Variants in LRBA observed in about 807,000 individuals in gnomAD.
The protein encoded by LRBA is lipopolysaccharide-responsive and beige-like anchor protein.
Under a neutral mutation model 330.0 loss-of-function variants are expected in LRBA, and 176 were observed. That is an observed-to-expected ratio of 0.53 (90% CI 0.47 to 0.60). The LOEUF (loss-of-function observed/expected upper bound fraction) is 0.60, where lower values mean the gene tolerates loss of function less well. LRBA is among the 20% of genes least tolerant of loss of function. The pLI, the probability that LRBA is intolerant of heterozygous loss-of-function variation, is 0.00. For missense variants in LRBA, 3,259 were observed against 3,444.8 expected, an observed-to-expected ratio of 0.95 and a Z score of 1.35; for synonymous variants, 1,230 against 1,193.0, an observed-to-expected ratio of 1.03 and a Z score of -0.64.
At chr4:150,352,830 A>C (rs1737360064) in intron 47 of LRBA, among the ~76,000 whole-genome samples, 1 of 152,236 alleles carries the variant, frequency 6.6e-6, no homozygotes. Flanking sequence ...CACTCTACAC[A>C]AAAGCCCTAA....
intron 37 of LRBA, among the ~76,000 whole-genome samples, chr4:150,616,367 T>C (rs1775769797): frequency 1.3e-5 from 2 of 152,172 alleles, no homozygotes; most frequent in African/African-American, 2.4e-5. Flanking sequence ...GCAAGGAATT[T>C]TGAAGAGAGG....
intron 36 of LRBA, among the ~76,000 whole-genome samples, chr4:150,690,304 C>A (rs1042314882): frequency 2.6e-5 from 4 of 151,896 alleles, no homozygotes; most frequent in African/African-American, 9.7e-5. Context: ...GAGATCGAGA[C>A]CACCCTAGAA....
intron 40 of LRBA, among the ~76,000 whole-genome samples, chr4:150,504,023 A>G (rs1428236428): frequency 6.6e-6 from 1 of 152,178 alleles, no homozygotes; most frequent in Non-Finnish European, 1.5e-5. Context: ...GACACGAAGC[A>G]AGAAGAGAAG....
At chr4:150,635,194 T>A (rs758819736) in intron 37 of LRBA, among the ~76,000 whole-genome samples, 12 of 152,194 alleles carry the variant, frequency 7.9e-5, no homozygotes, top group Non-Finnish European at 1.5e-4. Context: ...GCTCCTAGAT[T>A]CTACCATAAG....
intron 2 of LRBA, among the ~76,000 whole-genome samples, chr4:150,994,392 A>G (rs1290331743): frequency 6.6e-6 from 1 of 152,232 alleles, no homozygotes; most frequent in African/African-American, 2.4e-5. Context: ...TGTGAAAATT[A>G]AAAGAGGGAA....
At chr4:150,694,616 A>T (rs111723776) in intron 36 of LRBA, among the ~76,000 whole-genome samples, 3 of 152,248 alleles carry the variant, frequency 2.0e-5, no homozygotes, top group African/African-American at 7.2e-5. Flanking sequence ...CTGTCATGCA[A>T]CGACTCAAAG....
At chr4:150,722,648 C>T (rs989491686) in intron 36 of LRBA, among the ~76,000 whole-genome samples, 2 of 151,850 alleles carry the variant, frequency 1.3e-5, no homozygotes, top group African/African-American at 4.8e-5. Context: ...GGGCAGAGCA[C>T]GATGGCAGAA....
chr4:150,584,478 C>G (rs1271353025), intron 40 of LRBA: 1 of 151,986 alleles, frequency 6.6e-6, no homozygotes, highest in Admixed American at 7.5e-5. Flanking sequence ...CCCATCCCCC[C>G]CCCCATTTCG....
At chr4:150,953,573 T>C (rs891425489) in intron 2 of LRBA, among the ~76,000 whole-genome samples, 10 of 148,636 alleles carry the variant, frequency 6.7e-5, no homozygotes, top group African/African-American at 2.3e-4. Context: ...CCGTGTTGGC[T>C]GGGCTGGTCT....
At chr4:150,425,270 T>C (rs1504782) in intron 46 of LRBA, among the ~76,000 whole-genome samples, 12,727 of 152,234 alleles carry the variant, frequency 0.084, 944 homozygotes, top group African/African-American at 0.19. Flanking sequence ...AAAAAACACA[T>C]GTTCAGCAAT....
At chr4:150,988,985 A>G (rs901179359) in intron 2 of LRBA, among the ~76,000 whole-genome samples, 3 of 151,588 alleles carry the variant, frequency 2.0e-5, no homozygotes, top group Non-Finnish European at 2.9e-5. Context: ...AAGTGCCTAT[A>G]AAGTGTTTGT....
At chr4:150,914,668 T>C (rs996907343) in intron 8 of LRBA, among the ~76,000 whole-genome samples, 1 of 152,160 alleles carries the variant, frequency 6.6e-6, no homozygotes, top group Non-Finnish European at 1.5e-5. Flanking sequence ...ATGCTTATCT[T>C]GCAAGGTTGC....
At chr4:150,461,068 A>C (rs990985871) in intron 44 of LRBA, among the ~76,000 whole-genome samples, 33 of 151,834 alleles carry the variant, frequency 2.2e-4, no homozygotes, top group African/African-American at 8.0e-4. Flanking sequence ...TTTGTAAAAT[A>C]GGTTTAATCA....
At chr4:150,950,583 A>AAG (rs1736722017) in intron 2 of LRBA, among the ~76,000 whole-genome samples, 1 of 151,988 alleles carries the variant, frequency 6.6e-6, no homozygotes, top group Non-Finnish European at 1.5e-5. Flanking sequence ...CCAAAAAAAA[A>AAG]AAATGTACTT....
intron 26 of LRBA, among the ~76,000 whole-genome samples, chr4:150,847,175 A>G (rs931118998): frequency 6.6e-6 from 1 of 152,164 alleles, no homozygotes; most frequent in Non-Finnish European, 1.5e-5. Context: ...GCTATAGATA[A>G]GTTTCCCAAT....
At chr4:150,553,637 T>C (rs1473024299) in intron 40 of LRBA, among the ~76,000 whole-genome samples, 1 of 152,108 alleles carries the variant, frequency 6.6e-6, no homozygotes, top group Non-Finnish European at 1.5e-5. Context: ...AATATCATAC[T>C]TTTCATACCA....
At chr4:150,662,950 C>G (rs1167089630) in intron 37 of LRBA, among the ~76,000 whole-genome samples, 1 of 151,862 alleles carries the variant, frequency 6.6e-6, no homozygotes, top group East Asian at 1.9e-4. Flanking sequence ...GAGTGAGACC[C>G]TATCTCTTAA....
intron 2 of LRBA, among the ~76,000 whole-genome samples, chr4:150,997,614 G>A (rs142775127): frequency 2.2e-4 from 34 of 152,128 alleles, no homozygotes; most frequent in African/African-American, 8.2e-4. Context: ...GTAGTATTTT[G>A]CTCTAGGTTG....
chr4:150,463,179 T>G (rs1459689180), intron 44 of LRBA, among the ~76,000 whole-genome samples: 1 of 152,004 alleles, frequency 6.6e-6, no homozygotes, highest in Non-Finnish European at 1.5e-5. Flanking sequence ...AATTCCATTC[T>G]CATGAACCTG....
Sources: gnomAD v4.1 joint callset for allele counts (sites outside exome capture counted in the v4.1 genomes callset) on GRCh38, gnomAD v4.1.1 for gene constraint, MANE v1.5 for transcripts, NCBI Gene and HGNC (gene_info 2026-07-23, HGNC 2026-07-21) for gene names.